Variants in DOK6 observed in about 807,000 individuals in gnomAD.
DOK6 encodes the protein docking protein 6.
DOK6 carries 22 observed loss-of-function variants against 44.0 expected under a neutral mutation model. That is an observed-to-expected ratio of 0.50 (90% CI 0.36 to 0.71). The LOEUF (loss-of-function observed/expected upper bound fraction) is 0.71. Ranked by LOEUF, DOK6 falls within the 30% of genes least tolerant of loss-of-function variation. The pLI, the probability that DOK6 is intolerant of heterozygous loss-of-function variation, is 0.00. For missense variants in DOK6, 340 were observed against 416.4 expected, an observed-to-expected ratio of 0.82 and a Z score of 1.60; for synonymous variants, 166 against 145.5, an observed-to-expected ratio of 1.14 and a Z score of -1.01.
intron 5 of DOK6, among the ~76,000 whole-genome samples, chr18:69,727,079 G>A (rs539883280): frequency 1.4e-4 from 21 of 152,106 alleles, no homozygotes; most frequent in African/African-American, 2.7e-4. Flanking sequence ...GACTGATCTC[G>A]AACTACTGGG....
chr18:69,524,051 C>T (rs1981761837), intron 1 of DOK6, among the ~76,000 whole-genome samples: 1 of 151,988 alleles, frequency 6.6e-6, no homozygotes, highest in Non-Finnish European at 1.5e-5. Context: ...TGTACAGGTG[C>T]AGAACCAATT....
chr18:69,740,804 CATTATGG>C (rs1178959023), intron 6 of DOK6, among the ~76,000 whole-genome samples: 1 of 152,220 alleles, frequency 6.6e-6, no homozygotes, highest in African/African-American at 2.4e-5. Flanking sequence ...TGAAAGTGTT[CATTATGG>C]ATGACGGTGA....
At chr18:69,430,162 G>A (rs1321719643) in intron 1 of DOK6, among the ~76,000 whole-genome samples, 3 of 152,076 alleles carry the variant, frequency 2.0e-5, no homozygotes, top group African/African-American at 7.2e-5. Context: ...GACTGATTAC[G>A]AAGGAGAAGA....
At chr18:69,625,363 G>A (rs750064164) in intron 3 of DOK6, among the ~76,000 whole-genome samples, 5 of 152,070 alleles carry the variant, frequency 3.3e-5, no homozygotes, top group African/African-American at 1.2e-4. Context: ...TAGGTTCTCT[G>A]GTGATGCACC....
chr18:69,634,885 C>T (rs1400641175), intron 3 of DOK6, among the ~76,000 whole-genome samples: 1 of 152,046 alleles, frequency 6.6e-6, no homozygotes, highest in Admixed American at 6.6e-5. Context: ...ATTTTTTCCC[C>T]TTTCTTAAAA....
rs140062432 is a variant in DOK6, at chr18:69,673,230, G to GTGTATATA, written c.290-4503_290-4502insGTATATAT. Among the ~76,000 whole-genome samples, 48 of 150,264 alleles carry GTGTATATA rather than the reference G, an allele frequency of 3.2e-4. 1 individual carries two copies. Among genetic ancestry groups the GTGTATATA allele is most frequent in the Middle Eastern group, 7.0e-3 (2 of 286 alleles). ...TGGGCTGATAGCATATTTTCTGTGT[G>GTGTATATA]TATATATATATATATGATGAAAACT... On this transcript the variant is annotated intron_variant, in intron 3 of 7. Transcript: ENST00000382713.
At chr18:69,565,787 T>C (rs1982963232) in intron 2 of DOK6, among the ~76,000 whole-genome samples, 2 of 152,220 alleles carry the variant, frequency 1.3e-5, no homozygotes, top group African/African-American at 4.8e-5. Flanking sequence ...TTTAAAATTG[T>C]TATATATCTC....
chr18:69,781,218 T>TA (rs1397989506), intron 7 of DOK6: 7 of 152,266 alleles, frequency 4.6e-5, no homozygotes, highest in African/African-American at 1.7e-4. Context: ...TATAGTGCTA[T>TA]AAAAATAAGA....
At chr18:69,637,961 TTGA>T (rs1984847824) in intron 3 of DOK6, among the ~76,000 whole-genome samples, 1 of 152,210 alleles carries the variant, frequency 6.6e-6, no homozygotes, top group Non-Finnish European at 1.5e-5. Context: ...CAACTATTTA[TTGA>T]TAACATACCT....
chr18:69,492,130 TAAAC>T (rs1208500159), intron 1 of DOK6, among the ~76,000 whole-genome samples: 1 of 152,184 alleles, frequency 6.6e-6, no homozygotes, highest in Admixed American at 6.5e-5. Context: ...TATTTGCAGA[TAAAC>T]AACGCATGTA....
At chr18:69,412,928 C>A (rs377355067) in intron 1 of DOK6, among the ~76,000 whole-genome samples, 1 of 152,086 alleles carries the variant, frequency 6.6e-6, no homozygotes, top group East Asian at 1.9e-4. Context: ...GTGGAGGAAT[C>A]TTCACAGGGG....
At chr18:69,689,128 C>T (rs190228080) in intron 4 of DOK6, among the ~76,000 whole-genome samples, 355 of 152,214 alleles carry the variant, frequency 2.3e-3, no homozygotes, top group Admixed American at 6.1e-3. Context: ...TCCACAAGAA[C>T]CTTGTAGAGA....
intron 5 of DOK6, among the ~76,000 whole-genome samples, chr18:69,705,701 CTT>C (rs1412204191): frequency 1.3e-5 from 2 of 152,188 alleles, no homozygotes; most frequent in African/African-American, 4.8e-5. Context: ...TCAGAGTTCT[CTT>C]TTCCAATTTT....
chr18:69,636,794 C>T (rs192766198), intron 3 of DOK6, among the ~76,000 whole-genome samples: 80 of 152,244 alleles, frequency 5.3e-4, no homozygotes, highest in Middle Eastern at 3.4e-3. Context: ...GCCACATTTT[C>T]GGTTCCAGTA....
rs190440820 is a variant in DOK6 at position 69,668,685 on chromosome 18, G to A, written c.290-9049G>A. On this transcript the variant is annotated intron_variant, in intron 3 of 7. Transcript: ENST00000382713. ...TTTCTTTGCTGATTTTTGTGATATC[G>A]GGATGATGTATAAGAGTCCTAGTTT... Among the ~76,000 whole-genome samples, 461 of 152,060 alleles carry A rather than the reference G, an allele frequency of 3.0e-3. 1 individual carries two copies. The highest frequency in any genetic ancestry group is 4.2e-3 in the African/African-American group (175 of 41,484).
At chr18:69,486,734 T>G (rs1980587627) in intron 1 of DOK6, among the ~76,000 whole-genome samples, 1 of 152,210 alleles carries the variant, frequency 6.6e-6, no homozygotes, top group Admixed American at 6.5e-5. Context: ...GGCTAGTTTT[T>G]TATTCAATGA....
chr18:69,580,550 A>C (rs917910808), intron 2 of DOK6, among the ~76,000 whole-genome samples: 1 of 152,100 alleles, frequency 6.6e-6, no homozygotes, highest in Non-Finnish European at 1.5e-5. Context: ...TATTATTTTC[A>C]ATTGACACAT....
At chr18:69,583,768 A>G (rs1983423811) in intron 2 of DOK6, among the ~76,000 whole-genome samples, 1 of 105,766 alleles carries the variant, frequency 9.5e-6, no homozygotes, top group Admixed American at 1.0e-4. Flanking sequence ...AAAAAAAAAA[A>G]AAAAAGCGTT....
chr18:69,612,095 GA>G (rs1479590985), intron 3 of DOK6, among the ~76,000 whole-genome samples: 1 of 152,022 alleles, frequency 6.6e-6, no homozygotes, highest in African/African-American at 2.4e-5. Context: ...ATGTACACAG[GA>G]TGTCTCTATC....
Sources: gnomAD v4.1 joint callset for allele counts (sites outside exome capture counted in the v4.1 genomes callset) on GRCh38, gnomAD v4.1.1 for gene constraint, MANE v1.5 for transcripts, NCBI Gene and HGNC (gene_info 2026-07-23, HGNC 2026-07-21) for gene names.